The following PITPNM2 variants were observed in gnomAD, a reference collection of about 807,000 sequenced individuals.
PITPNM2 encodes phosphatidylinositol transfer protein membrane associated 2.
PITPNM2 carries 35 observed loss-of-function variants against 132.2 expected under a neutral mutation model. The ratio of observed to expected loss-of-function variants is 0.26; its 90% CI spans 0.20 to 0.35. The LOEUF (loss-of-function observed/expected upper bound fraction) is 0.35, where lower values mean the gene tolerates loss of function less well. Ranked by LOEUF, PITPNM2 falls within the 10% of genes least tolerant of loss-of-function variation. The probability of loss-of-function intolerance (pLI) is 1.00; values close to 1 mark genes in which losing one functional copy is unlikely to be tolerated. For synonymous variants in PITPNM2, 738 were observed against 799.2 expected (o/e 0.92, Z 1.29); for missense variants, 1,332 against 1,912.0 (o/e 0.70, Z 5.66).
chr12:122,991,065 CCACAG>C (rs1484934648), intron 16 of PITPNM2, among the ~76,000 whole-genome samples: 1 of 152,238 alleles, frequency 6.6e-6, no homozygotes, highest in Non-Finnish European at 1.5e-5. Flanking sequence ...GACCCACAGC[CCACAG>C]CAGAAGCAGC....
At chr12:123,073,870 C>G (rs1393153402) in intron 2 of PITPNM2, among the ~76,000 whole-genome samples, 1 of 152,200 alleles carries the variant, frequency 6.6e-6, no homozygotes, top group African/African-American at 2.4e-5. Context: ...TAATTCCTTC[C>G]TTTTCTCTTC....
At chr12:123,053,626 G>C (rs2040931710) in intron 2 of PITPNM2, among the ~76,000 whole-genome samples, 1 of 144,490 alleles carries the variant, frequency 6.9e-6, no homozygotes, top group Admixed American at 7.0e-5. Context: ...GGAGTGCAAT[G>C]GCGTGATCTC....
In PITPNM2 at chr12:123,145,528, A is replaced by G. The variant is rs371161062; in HGVS notation, c.-200+5225T>C. 3.9e-5 allele frequency among the ~76,000 whole-genome samples: 6 copies of G among 152,282 alleles called. No homozygotes were observed. In the East Asian group the frequency reaches 5.8e-4, roughly 15 times the overall value. On this transcript the variant is annotated intron_variant, in intron 1 of 25. Transcript: ENST00000320201. Reference sequence around the variant, plus strand: ...CCCCTTTCCACAATAGAGATAAGGGACTTCAGAGGCAATGGCACTCAAGGA... The same window carrying G: ...CCCCTTTCCACAATAGAGATAAGGGGCTTCAGAGGCAATGGCACTCAAGGA...
chr12:123,114,613 G>A (rs1250063996), intron 1 of PITPNM2, among the ~76,000 whole-genome samples: 1 of 151,928 alleles, frequency 6.6e-6, no homozygotes, highest in Non-Finnish European at 1.5e-5. Context: ...GTGGCAAGAG[G>A]AGTCCTGGAG....
Position 123,150,880 on chromosome 12 carries a change from C to T in PITPNM2, c.-327G>A, listed in dbSNP as rs1426061846. ...CGGCCGGCTGCGCCCCGCGCGCCCC[C>T]GCCGCCTGCTGGCCCCGGGCGAGCG... On this transcript the variant is annotated 5_prime_UTR_variant, in exon 1 of 26. Transcript: ENST00000320201. This position sits in a 1 kb window ranked among gnomAD's most constrained non-coding sequence, Gnocchi z 6.0. Among the ~76,000 whole-genome samples, 2 of 145,794 alleles carry T rather than the reference C, an allele frequency of 1.4e-5. No homozygotes were observed. Among genetic ancestry groups the T allele is most frequent in the Non-Finnish European group, 3.0e-5 (2 of 65,618 alleles).
chr12:123,003,905 G>A (rs557429918), intron 8 of PITPNM2, among the ~76,000 whole-genome samples: 2 of 152,308 alleles, frequency 1.3e-5, no homozygotes, highest in Admixed American at 1.3e-4. Flanking sequence ...ATGGTCATGC[G>A]CTTATTTTGG....
rs28392916 is a variant in PITPNM2 at position 123,119,356 on chromosome 12, T to C, written c.-199-8868A>G. ...TATCTAGAAGCATAGAGGATGGTGA[T>C]TTTTTTTTTTTTTTTTTTTGAGACA... is the stretch of plus-strand genomic sequence containing the variant. On this transcript the variant is annotated intron_variant, in intron 1 of 25. Transcript: ENST00000320201. 9.3e-4 allele frequency among the ~76,000 whole-genome samples: 79 copies of C among 84,958 alleles called. 2 individuals carry two copies. Among genetic ancestry groups the C allele is most frequent in the African/African-American group, 9.2e-3 (77 of 8,364 alleles). The allele number at this position is 84,958 out of a possible 152,430, so 55.7% of individuals were successfully genotyped here. A position where few individuals can be genotyped will look rare whatever the true frequency, so the allele number is the denominator to read the frequency against.
intron 2 of PITPNM2, among the ~76,000 whole-genome samples, chr12:123,061,415 G>A (rs1019018872): frequency 4.6e-5 from 7 of 152,260 alleles, no homozygotes; most frequent in African/African-American, 7.2e-5. Flanking sequence ...GGAGAGGTCT[G>A]CTGACGTGCC....
intron 8 of PITPNM2, 30 bp from the exon 9 acceptor site, chr12:123,001,188 G>C (rs200307367): frequency 6.3e-7 from 1 of 1,576,748 alleles, no homozygotes; most frequent in East Asian, 2.2e-5. Context: ...ACTCAGGTGG[G>C]ACTGGGAACG....
At chr12:123,037,382 C>A (rs1175338086) in intron 2 of PITPNM2, among the ~76,000 whole-genome samples, 1 of 152,204 alleles carries the variant, frequency 6.6e-6, no homozygotes, top group Admixed American at 6.6e-5. Context: ...TCACGTGGTT[C>A]TTCATTGAAG....
Position 123,108,717 on chromosome 12 carries a change from G to C in PITPNM2, c.-96+1668C>G, listed in dbSNP as rs2042772635. Among the ~76,000 whole-genome samples, 2 of 152,166 alleles carry C rather than the reference G, an allele frequency of 1.3e-5. No individual in the cohort carries two copies. Among genetic ancestry groups the C allele is most frequent in the Admixed American group, 1.3e-4 (2 of 15,278 alleles). ...GAGGCCTTTTCACAGCAACTGAAAAGAATGAGCAATTAGAGAAGATAACAG... is the reference window on the plus strand; with the variant it reads ...GAGGCCTTTTCACAGCAACTGAAAACAATGAGCAATTAGAGAAGATAACAG... On this transcript the variant is annotated intron_variant, in intron 2 of 25. Coordinates refer to ENST00000320201, the MANE Select transcript of PITPNM2 (RefSeq NM_020845.3). This position sits in a 1 kb window ranked among gnomAD's most constrained non-coding sequence, Gnocchi z 4.4.
chr12:123,007,098 T>G lies in PITPNM2; in HGVS notation c.644-1550A>C, dbSNP rs574451156. 1.5e-3 allele frequency among the ~76,000 whole-genome samples: 235 copies of G among 152,298 alleles called. 1 individual carries two copies. Among genetic ancestry groups the G allele is most frequent in the Non-Finnish European group, 2.7e-3 (184 of 68,026 alleles). On this transcript the variant is annotated intron_variant, in intron 6 of 25. Coordinates refer to ENST00000320201, the MANE Select transcript of PITPNM2 (RefSeq NM_020845.3). ...ATTTTGCTTGTCATGCGTTTTGCCT[T>G]CTGGTCTCAGCACACAGATGTGTTT...
At chr12:123,115,229 C>T (rs758408956) in intron 1 of PITPNM2, among the ~76,000 whole-genome samples, 23 of 152,180 alleles carry the variant, frequency 1.5e-4, no homozygotes, top group Non-Finnish European at 3.4e-4. Context: ...CCCTACTCCC[C>T]CTCCCTTCCA....
At chr12:122,987,223 G>A in intron 23 of PITPNM2, 58 bp downstream of exon 23, 1 of 1,595,594 alleles carries the variant, frequency 6.3e-7, no homozygotes, top group South Asian at 1.1e-5. Flanking sequence ...TGGCTGGTGG[G>A]AGCCCCTGAG....
intron 1 of PITPNM2, among the ~76,000 whole-genome samples, chr12:123,124,449 A>G (rs975194509): frequency 6.6e-6 from 1 of 152,162 alleles, no homozygotes; most frequent in Non-Finnish European, 1.5e-5. Context: ...AAAATTAAAA[A>G]GTAATATACA....
chr12:123,125,403 A>T (rs1404195464), intron 1 of PITPNM2, among the ~76,000 whole-genome samples: 1 of 152,260 alleles, frequency 6.6e-6, no homozygotes, highest in Non-Finnish European at 1.5e-5. Context: ...AGACTCAGTC[A>T]TATCAAAGGA....
intron 21 of PITPNM2, 60 bp downstream of exon 21, chr12:122,987,725 G>A: frequency 6.2e-7 from 1 of 1,612,422 alleles, no homozygotes; most frequent in Non-Finnish European, 8.5e-7. Context: ...ACCCCGGCCA[G>A]AGGGCAGCAG....
intron 3 of PITPNM2, among the ~76,000 whole-genome samples, chr12:123,026,549 CA>C (rs2039869655): frequency 6.6e-6 from 1 of 152,236 alleles, no homozygotes; most frequent in African/African-American, 2.4e-5. Context: ...GTGTGTAAGA[CA>C]GGGGGTCCAG....
chr12:123,130,025 C>T (rs1042382839), intron 1 of PITPNM2, among the ~76,000 whole-genome samples: 3 of 152,032 alleles, frequency 2.0e-5, no homozygotes, highest in Non-Finnish European at 4.4e-5. Flanking sequence ...CCGCCTTGGC[C>T]TCCCAAGTGC....
Sources: allele counts gnomAD v4.1 joint callset (sites outside exome capture counted in the v4.1 genomes callset), GRCh38; gene constraint gnomAD v4.1.1; non-coding constraint Gnocchi (gnomAD v3.1); transcripts MANE v1.5; gene names NCBI Gene and HGNC (gene_info 2026-07-23, HGNC 2026-07-21).